DNAJC15: variants seen among roughly 807,000 people sequenced by gnomAD.
DNAJC15 encodes the protein DnaJ heat shock protein family (Hsp40) member C15.
A neutral mutation model predicts 22.4 loss-of-function variants in DNAJC15; 27 were observed. The observed-to-expected ratio is 1.20, with a 90% CI of 0.89 to 1.66. DNAJC15 has a LOEUF of 1.66. DNAJC15 is among the 40% of genes most tolerant of loss of function. DNAJC15 has a pLI of 0.00. For missense variants in DNAJC15, 208 were observed against 187.1 expected (o/e 1.11, Z -0.65); for synonymous variants, 79 against 63.2 (o/e 1.25, Z -1.19).
chr13:43,023,734 G>A lies in DNAJC15; in HGVS notation c.108G>A (p.Leu36=). Residue 36 remains leucine (L), a splice_region_variant and synonymous_variant, in exon 1 of 6, where the codon CTG becomes CTA. Transcript: ENST00000379221. ...RPDADVDQQR[L]VRSLIAVGLG... Reference sequence around the variant, plus strand: ...ACGCCGACGTCGACCAGCAGAGACTGGTGAGTCCTGCCAGCGGCCCCCACC... The same window carrying A: ...ACGCCGACGTCGACCAGCAGAGACTAGTGAGTCCTGCCAGCGGCCCCCACC... 1 of 1,605,650 alleles carries A rather than the reference G, an allele frequency of 6.2e-7. No individual in the cohort carries two copies. Among genetic ancestry groups the A allele is most frequent in the Non-Finnish European group, 8.5e-7 (1 of 1,176,522 alleles).
At chr13:43,067,507 A>C (rs1375840385) in intron 2 of DNAJC15, among the ~76,000 whole-genome samples, 2 of 152,226 alleles carry the variant, frequency 1.3e-5, no homozygotes, top group African/African-American at 4.8e-5. Flanking sequence ...TTTGATTTGA[A>C]ATTAGATAAA....
intron 5 of DNAJC15, among the ~76,000 whole-genome samples, chr13:43,089,381 G>T (rs1177115512): frequency 6.6e-6 from 1 of 152,172 alleles, no homozygotes; most frequent in Non-Finnish European, 1.5e-5. Flanking sequence ...ATTTCAAGTT[G>T]TAGCAAGGCG....
At chr13:43,045,154 C>T (rs150300892) in intron 1 of DNAJC15, among the ~76,000 whole-genome samples, 4 of 152,224 alleles carry the variant, frequency 2.6e-5, no homozygotes, top group African/African-American at 7.2e-5. Context: ...TCTGGCTATT[C>T]GTTAGGCACA....
intron 1 of DNAJC15, among the ~76,000 whole-genome samples, chr13:43,041,788 C>T (rs1304579978): frequency 6.6e-6 from 1 of 152,216 alleles, no homozygotes; most frequent in Non-Finnish European, 1.5e-5. Flanking sequence ...CATATACATA[C>T]ATCCATGCAG....
intron 5 of DNAJC15, among the ~76,000 whole-genome samples, chr13:43,102,700 C>T (rs1040061473): frequency 6.6e-6 from 1 of 151,976 alleles, no homozygotes; most frequent in Admixed American, 6.6e-5. Context: ...GTCTTGCATT[C>T]CTGAGATAAA....
chr13:43,081,263 T>TGATATTAAG (rs1402576905), intron 4 of DNAJC15, among the ~76,000 whole-genome samples: 3 of 151,750 alleles, frequency 2.0e-5, no homozygotes, highest in African/African-American at 7.3e-5. Flanking sequence ...CACCCATGGG[T>TGATATTAAG]TCTTGTAAAC....
At chr13:43,089,077 C>T (rs575047866) in intron 5 of DNAJC15, among the ~76,000 whole-genome samples, 8 of 151,984 alleles carry the variant, frequency 5.3e-5, no homozygotes, top group Non-Finnish European at 1.0e-4. Flanking sequence ...ACTCTAAATT[C>T]GTAAGTTTTT....
intron 1 of DNAJC15, among the ~76,000 whole-genome samples, chr13:43,046,220 TC>T (rs1288455995): frequency 1.3e-5 from 2 of 152,220 alleles, no homozygotes; most frequent in Non-Finnish European, 2.9e-5. Context: ...TTCTTTGTCT[TC>T]CGTGAGACTT....
chr13:43,106,568 A>G (rs2040797796), intron 5 of DNAJC15, among the ~76,000 whole-genome samples: 1 of 152,152 alleles, frequency 6.6e-6, no homozygotes, highest in South Asian at 2.1e-4. Context: ...GAATCATTTC[A>G]GAGAACAAAA....
rs1483315168 is a variant in DNAJC15 at position 43,065,671 on chromosome 13, T to C, written c.109-15T>C. On this transcript the variant is annotated splice_polypyrimidine_tract_variant and intron_variant, in intron 1 of 5. Transcript: ENST00000379221. ...CATGTTACATCATAAGTAATATTCA[T>C]TTTTTCTTCCATAGGTAAGAAGTTT... 1.2e-6 allele frequency: 2 copies of C among 1,608,130 alleles called. No homozygotes were observed. Among genetic ancestry groups the C allele is most frequent in the Non-Finnish European group, 1.7e-6 (2 of 1,176,094 alleles).
intron 5 of DNAJC15, among the ~76,000 whole-genome samples, chr13:43,086,949 A>G (rs1374616781): frequency 6.6e-6 from 1 of 151,672 alleles, no homozygotes; most frequent in East Asian, 1.9e-4. Flanking sequence ...ACTTCGGAGC[A>G]AGGGATCAGC....
At chr13:43,025,742 A>G (rs1455838025) in intron 1 of DNAJC15, among the ~76,000 whole-genome samples, 1 of 152,144 alleles carries the variant, frequency 6.6e-6, no homozygotes, top group Non-Finnish European at 1.5e-5. Context: ...TGTCTCTACT[A>G]AAAATACAAA....
chr13:43,081,075 T>C (rs1268375783), intron 4 of DNAJC15, among the ~76,000 whole-genome samples: 2 of 152,228 alleles, frequency 1.3e-5, no homozygotes, highest in African/African-American at 2.4e-5. Flanking sequence ...TTCTGACATA[T>C]TGCATATGAG....
At chr13:43,034,044 A>T (rs1039433233) in intron 1 of DNAJC15, among the ~76,000 whole-genome samples, 1 of 151,234 alleles carries the variant, frequency 6.6e-6, no homozygotes, top group Non-Finnish European at 1.5e-5. Context: ...AAAAAAAAAA[A>T]GAAAATGACT....
chr13:43,069,352 C>T (rs1282596058), intron 3 of DNAJC15, among the ~76,000 whole-genome samples: 1 of 152,180 alleles, frequency 6.6e-6, no homozygotes, highest in Non-Finnish European at 1.5e-5. Context: ...CTTGGAATAG[C>T]TGATGAACAA....
At position 43,023,754 on chromosome 13, in the gene DNAJC15, C is replaced by T. The variant is rs1228848298; in HGVS notation, c.108+20C>T. The T allele has an allele frequency of 1.3e-6, 2 of 1,588,998 alleles. No individual in the cohort carries two copies. The highest frequency in any genetic ancestry group is 1.7e-6 in the Non-Finnish European group (2 of 1,167,896). Reference sequence around the variant, plus strand: ...AGACTGGTGAGTCCTGCCAGCGGCCCCCACCCCTCTCTGGCTCCCTTGTAG... The same window carrying T: ...AGACTGGTGAGTCCTGCCAGCGGCCTCCACCCCTCTCTGGCTCCCTTGTAG... On this transcript the variant is annotated intron_variant, in intron 1 of 5. Coordinates refer to ENST00000379221, the MANE Select transcript of DNAJC15 (RefSeq NM_013238.3).
chr13:43,088,788 T>C (rs2040700952), intron 5 of DNAJC15, among the ~76,000 whole-genome samples: 1 of 152,000 alleles, frequency 6.6e-6, no homozygotes, highest in Non-Finnish European at 1.5e-5. Flanking sequence ...AGAGATAATC[T>C]CCAAGAGTCA....
Position 43,112,692 on chromosome 13 carries a change from C to G in DNAJC15, c.*5444C>G, listed in dbSNP as rs2040830504. ...GGTACTATTATGTATCCCCATTTTA[C>G]AGGTTAAGAAACAGGCTCAGAGGAG... is the stretch of plus-strand genomic sequence containing the variant. On this transcript the variant is annotated 3_prime_UTR_variant, in exon 6 of 6. Coordinates refer to ENST00000379221, the MANE Select transcript of DNAJC15 (RefSeq NM_013238.3). 1 of 152,126 alleles carries G rather than the reference C, an allele frequency of 6.6e-6. No homozygotes were observed. The highest frequency in any genetic ancestry group is 2.1e-4 in the South Asian group (1 of 4,834). The allele number at this position is 152,126 out of a possible 1,614,324, so 9.4% of individuals were successfully genotyped here. A position where few individuals can be genotyped will look rare whatever the true frequency, so the allele number is the denominator to read the frequency against.
intron 1 of DNAJC15, among the ~76,000 whole-genome samples, chr13:43,043,506 T>A (rs896156777): frequency 6.6e-6 from 1 of 152,244 alleles, no homozygotes; most frequent in Admixed American, 6.5e-5. Flanking sequence ...CTTGTTATTA[T>A]TTATTTACTT....
Sources: gnomAD v4.1 joint callset for allele counts (sites outside exome capture counted in the v4.1 genomes callset) on GRCh38, gnomAD v4.1.1 for gene constraint, MANE v1.5 for transcripts, NCBI Gene and HGNC (gene_info 2026-07-23, HGNC 2026-07-21) for gene names.